The following PAPPA2 variants were observed in gnomAD, a reference collection of about 807,000 sequenced individuals.
PAPPA2 encodes pappalysin-2.
In PAPPA2, 86 loss-of-function variants were observed where a neutral mutation model predicts 176.4. The observed-to-expected ratio is 0.49, with a 90% CI of 0.41 to 0.58. The LOEUF (loss-of-function observed/expected upper bound fraction) is 0.58. Ranked by LOEUF, PAPPA2 falls within the 20% of genes least tolerant of loss-of-function variation. The probability of loss-of-function intolerance (pLI) is 0.00; values close to 1 mark genes in which losing one functional copy is unlikely to be tolerated. For synonymous variants in PAPPA2, 809 were observed against 852.2 expected, an observed-to-expected ratio of 0.95 and a Z score of 0.88; for missense variants, 2,073 against 2,256.9, an observed-to-expected ratio of 0.92 and a Z score of 1.65.
At chr1:176,487,770 A>T (rs1652711271) in intron 1 of PAPPA2, among the ~76,000 whole-genome samples, 1 of 152,222 alleles carries the variant, frequency 6.6e-6, no homozygotes, top group Non-Finnish European at 1.5e-5. Flanking sequence ...TTTAGAGTCA[A>T]GTAGGGGTCA....
intron 1 of PAPPA2, among the ~76,000 whole-genome samples, chr1:176,472,974 G>C (rs892623814): frequency 6.6e-6 from 1 of 152,028 alleles, no homozygotes; most frequent in African/African-American, 2.4e-5. Context: ...CTTACTGTCA[G>C]CATTTCACCC....
intron 3 of PAPPA2, among the ~76,000 whole-genome samples, chr1:176,667,009 G>A (rs556847020): frequency 1.3e-5 from 2 of 152,282 alleles, no homozygotes; most frequent in Admixed American, 1.3e-4. Context: ...ACTTTGGGAG[G>A]CCGAGGCGGG....
intron 20 of PAPPA2, 147 bp downstream of exon 20, chr1:176,793,816 C>A (rs1451099128): frequency 1.7e-6 from 1 of 591,966 alleles, no homozygotes. Flanking sequence ...AAGGATTAAA[C>A]ATTGAAAAGA....
chr1:176,684,267 C>A (rs1659727265), intron 4 of PAPPA2, among the ~76,000 whole-genome samples: 1 of 152,084 alleles, frequency 6.6e-6, no homozygotes, highest in South Asian at 2.1e-4. Flanking sequence ...GTTAGTATTT[C>A]CAAATTTTTT....
At chr1:176,684,373 G>T (rs1269223387) in intron 4 of PAPPA2, among the ~76,000 whole-genome samples, 2 of 152,148 alleles carry the variant, frequency 1.3e-5, no homozygotes, top group Non-Finnish European at 2.9e-5. Context: ...GGGCGTTGGG[G>T]AAGTGAGAGA....
rs1485318345 is a variant in PAPPA2, at chr1:176,739,566, G to C, written c.3799-60G>C. 4 of 1,530,022 alleles carry C rather than the reference G, an allele frequency of 2.6e-6. No homozygotes were observed. In the Admixed American group the frequency reaches 7.7e-5, roughly 29 times the overall value. The allele number at this position is 1,530,022 out of a possible 1,614,324, so 94.8% of individuals were successfully genotyped here. ...CTCTAAGAAGAATAAAAATTGTATAGCACATGTCTTGATAGCTCAATGGAA... is the reference window on the plus strand; with the variant it reads ...CTCTAAGAAGAATAAAAATTGTATACCACATGTCTTGATAGCTCAATGGAA... On this transcript the variant is annotated intron_variant, in intron 12 of 22. Coordinates refer to ENST00000367662, the MANE Select transcript of PAPPA2 (RefSeq NM_020318.3).
chr1:176,755,781 A>G (rs1228018802), intron 14 of PAPPA2, among the ~76,000 whole-genome samples: 3 of 146,242 alleles, frequency 2.1e-5, no homozygotes, highest in Admixed American at 7.0e-5. Flanking sequence ...ATAATTTTTG[A>G]CCTCCCCAAA....
chr1:176,502,248 C>T (rs74323291), intron 1 of PAPPA2, among the ~76,000 whole-genome samples: 9,061 of 152,238 alleles, frequency 0.06, 296 homozygotes, highest in African/African-American at 0.074. Flanking sequence ...ATGCCCCAAA[C>T]AAGGTTTTTG....
At chr1:176,597,613 C>T (rs1654055045) in intron 3 of PAPPA2, among the ~76,000 whole-genome samples, 2 of 152,028 alleles carry the variant, frequency 1.3e-5, no homozygotes, top group Admixed American at 1.3e-4. Flanking sequence ...CAGCAAACCA[C>T]CATGGCACGT....
At chr1:176,754,801 C>G (rs1229532324) in intron 14 of PAPPA2, among the ~76,000 whole-genome samples, 2 of 152,302 alleles carry the variant, frequency 1.3e-5, no homozygotes, top group South Asian at 4.1e-4. Flanking sequence ...GTCATTTTGC[C>G]AGCCTGCCAA....
intron 17 of PAPPA2, among the ~76,000 whole-genome samples, chr1:176,778,702 G>A (rs1454642444): frequency 2.0e-5 from 3 of 152,138 alleles, no homozygotes. Context: ...ATATACACAT[G>A]TTCTATCTAT....
At chr1:176,482,073 G>T (rs1652430815) in intron 1 of PAPPA2, among the ~76,000 whole-genome samples, 1 of 152,136 alleles carries the variant, frequency 6.6e-6, no homozygotes, top group South Asian at 2.1e-4. Context: ...CCAAAACAAA[G>T]AGTTTTTCTA....
rs192725499 is a variant in PAPPA2, at chr1:176,465,303, C to G, written c.-917+1885C>G. 9.8e-5 allele frequency among the ~76,000 whole-genome samples: 15 copies of G among 152,300 alleles called. 1 individual carries two copies. Among genetic ancestry groups the G allele is most frequent in the Non-Finnish European group, 5.9e-5 (4 of 68,028 alleles). Reference sequence around the variant, plus strand: ...GACTAGTTAAAAGTGTATGGAGAGGCATGACACACATGCAAATCATTTCCA... The same window carrying G: ...GACTAGTTAAAAGTGTATGGAGAGGGATGACACACATGCAAATCATTTCCA... On this transcript the variant is annotated intron_variant, in intron 1 of 22. Coordinates refer to ENST00000367662, the MANE Select transcript of PAPPA2 (RefSeq NM_020318.3).
intron 3 of PAPPA2, among the ~76,000 whole-genome samples, chr1:176,632,898 G>A (rs1017599037): frequency 3.0e-4 from 45 of 151,970 alleles, no homozygotes; most frequent in Non-Finnish European, 8.8e-5. Context: ...GATGAAGCTG[G>A]GAGAGGAGGA....
chr1:176,645,131 A>G (rs1427491098), intron 3 of PAPPA2, among the ~76,000 whole-genome samples: 1 of 151,816 alleles, frequency 6.6e-6, no homozygotes, highest in Admixed American at 6.6e-5. Flanking sequence ...TTTGAAATAT[A>G]CAATAGGTTA....
chr1:176,556,418 A>T lies in PAPPA2; in HGVS notation c.96A>T (p.Lys32Asn). ...CTGAGCTGGGCTGGACACGCAAGAA[A>T]TCCTTGGTTGAGAGGGAACACCTGA... ...ANSELGWTRK[K>N]SLVEREHLNQ... is the part of the protein sequence containing the mutation. The change falls in exon 2 of 23, where the codon AAA (lysine) becomes AAT (asparagine). Residue 32 changes from lysine to asparagine, a missense_variant. Lys to Asn is a moderately conservative substitution (Grantham distance 94, BLOSUM62 0). This residue lies in a region of PAPPA2 where 1,196 missense variants were observed against 1,330.4 expected (regional missense o/e 0.90). Transcript: ENST00000367662. The T allele has an allele frequency of 6.2e-7, 1 of 1,614,192 alleles. No individual in the cohort carries two copies. The highest frequency in any genetic ancestry group is 8.5e-7 in the Non-Finnish European group (1 of 1,180,040).
chr1:176,739,485 C>T, intron 12 of PAPPA2, 141 bp from the exon 13 acceptor site: 1 of 807,168 alleles, frequency 1.2e-6, no homozygotes, highest in Non-Finnish European at 1.9e-6. Context: ...GTGTCTACTC[C>T]ATATTTTTAG....
rs1478863140 is a variant in PAPPA2 at position 176,793,601 on chromosome 1, C to T, written c.5062C>T (p.Pro1688Ser). 17 of 1,613,084 alleles carry T rather than the reference C, an allele frequency of 1.1e-5. No individual in the cohort carries two copies. In the African/African-American group the frequency reaches 2.3e-4, roughly 22 times the overall value. ...SPLCVIPPSD[P>S]VMLPENITAD... ...ATTGTGTGTAATCCCCCCCAGTGAC[C>T]CCGTGATGCTACCTGAGAATATCAC... The change falls in exon 20 of 23, where the codon CCC becomes TCC. Residue 1688 changes from proline (P) to serine (S), a missense_variant. Pro to Ser is a moderately conservative substitution (Grantham distance 74). Transcript: ENST00000367662.
intron 4 of PAPPA2, among the ~76,000 whole-genome samples, chr1:176,686,523 T>C (rs947846957): frequency 5.3e-5 from 8 of 152,102 alleles, no homozygotes; most frequent in African/African-American, 1.9e-4. Flanking sequence ...CCAAACTATA[T>C]CACCATTGGA....
Sources: gnomAD v4.1 joint callset for allele counts (sites outside exome capture counted in the v4.1 genomes callset) on GRCh38, gnomAD v4.1.1 for gene constraint, gnomAD v4.1.1 regional missense constraint, MANE v1.5 for transcripts, NCBI Gene and HGNC (gene_info 2026-07-23, HGNC 2026-07-21) for gene names.